The following FKBP8 variants were observed in gnomAD, a reference collection of about 807,000 sequenced individuals.
The protein encoded by FKBP8 is peptidyl-prolyl cis-trans isomerase FKBP8.
Under a neutral mutation model 41.7 loss-of-function variants are expected in FKBP8, and 5 were observed. That is an observed-to-expected ratio of 0.12 (90% CI 0.06 to 0.25). The LOEUF is 0.25. Ranked by LOEUF, FKBP8 falls within the 10% of genes least tolerant of loss-of-function variation. FKBP8 has a pLI of 1.00. For synonymous variants in FKBP8, 279 were observed against 254.5 expected (o/e 1.10, Z -0.92); for missense variants, 397 against 563.0 (o/e 0.71, Z 2.98).
rs996731561 is a variant in FKBP8 at position 18,532,071 on chromosome 19, G to A, written c.*98C>T. 16 of 1,086,282 alleles carry A rather than the reference G, an allele frequency of 1.5e-5. No homozygotes were observed. Among genetic ancestry groups the A allele is most frequent in the Non-Finnish European group, 1.4e-6 (1 of 729,336 alleles). 67.3% of individuals were successfully genotyped at this position (1,086,282 alleles called of 1,614,324 possible). On this transcript the variant is annotated 3_prime_UTR_variant, in exon 9 of 9. Transcript: ENST00000608443. Reference sequence around the variant, plus strand: ...TTGCTCCCCTAACCCGGAGGAGGGGGCCAGACCAGGGAGGGCAGTGGACAG... The same window carrying A: ...TTGCTCCCCTAACCCGGAGGAGGGGACCAGACCAGGGAGGGCAGTGGACAG...
At position 18,532,856 on chromosome 19, in the gene FKBP8, G is replaced by A. The variant is rs529592525; in HGVS notation, c.1024-61C>T. The A allele has an allele frequency of 5.7e-5, 91 of 1,593,404 alleles. No individual in the cohort carries two copies. The African/African-American group carries it at 9.3e-4, about 16-fold the overall frequency. The stretch of plus-strand genomic sequence containing the variant: ...GCCAACCTGTCATCACTGGCGCTCT[G>A]CCTTACTGGGACCCTAGGCTGTTTG... On this transcript the variant is annotated intron_variant, in intron 7 of 8. Coordinates refer to ENST00000608443, the MANE Select transcript of FKBP8 (RefSeq NM_012181.5).
At chr19:18,539,762 C>G (rs2145192235) in intron 2 of FKBP8, 42 bp from the exon 3 acceptor site, 1 of 1,595,616 alleles carries the variant, frequency 6.3e-7, no homozygotes, top group Non-Finnish European at 8.5e-7. Context: ...CCTGGCAGCT[C>G]AAACAGGCAC....
chr19:18,532,051 C>T lies in FKBP8; in HGVS notation c.*118G>A. On this transcript the variant is annotated 3_prime_UTR_variant, in exon 9 of 9. Transcript: ENST00000608443. ...GGCTGCACGACCCCCAATCCTTGCT[C>T]CCCTAACCCGGAGGAGGGGGCCAGA... is the stretch of plus-strand genomic sequence containing the variant. The T allele has an allele frequency of 1.1e-6, 1 of 893,962 alleles. No homozygotes were observed. Among genetic ancestry groups the T allele is most frequent in the Non-Finnish European group, 1.8e-6 (1 of 562,062 alleles). The allele number at this position is 893,962 out of a possible 1,614,324, so 55.4% of individuals were successfully genotyped here.
Position 18,533,305 on chromosome 19 carries a change from G to T in FKBP8, c.988C>A (p.Leu330Met). The change falls in exon 7 of 9, where the codon CTG becomes ATG. Residue 330 changes from leucine to methionine, a missense_variant. Transcript: ENST00000608443. Reference protein sequence around the residue: ...QGEYSEAIPILRAALKLEPSN... With the variant: ...QGEYSEAIPIMRAALKLEPSN... The stretch of plus-strand genomic sequence containing the variant: ...GGTTCCAGCTTCAGGGCTGCCCTCA[G>T]GATGGGGATGGCCTCACTGTACTCC... 6.2e-7 allele frequency: 1 copy of T among 1,605,098 alleles called. No homozygotes were observed. The highest frequency in any genetic ancestry group is 2.2e-5 in the East Asian group (1 of 44,710).
At chr19:18,543,160 C>G (rs1037682300) in intron 1 of FKBP8, 3 of 279,122 alleles carry the variant, frequency 1.1e-5, no homozygotes, top group African/African-American at 7.3e-5. Flanking sequence ...AGCCGCGACC[C>G]AGGCCCCCAA....
chr19:18,542,191 C>A, intron 1 of FKBP8, 196 bp from the exon 2 acceptor site: 1 of 673,110 alleles, frequency 1.5e-6, no homozygotes, highest in East Asian at 2.8e-5. Flanking sequence ...AAGCCCTTGG[C>A]ATCAGGCTCA....
intron 1 of FKBP8, chr19:18,542,987 C>G (rs1255603640): frequency 2.1e-6 from 2 of 942,052 alleles, no homozygotes; most frequent in East Asian, 8.8e-5. Context: ...TCCCCTCCCA[C>G]CCCCCACCCC....
Position 18,532,768 on chromosome 19 carries a change from C to T in FKBP8, c.1051G>A (p.Val351Met). The T allele has an allele frequency of 2.5e-6, 4 of 1,614,106 alleles. No homozygotes were observed. Among genetic ancestry groups the T allele is most frequent in the Non-Finnish European group, 3.4e-6 (4 of 1,180,042 alleles). ...CTCCGCTGCGCCGCATGCTTCTTCACCAGCTTTGAGAGCTCTGCGTGGATC... is the reference window on the plus strand; with the variant it reads ...CTCCGCTGCGCCGCATGCTTCTTCATCAGCTTTGAGAGCTCTGCGTGGATC... ...KTIHAELSKLVKKHAAQRSTE... is the reference protein window; with the variant it reads ...KTIHAELSKLMKKHAAQRSTE... The change falls in exon 8 of 9, where the codon GTG becomes ATG. Residue 351 changes from valine (V) to methionine (M), a missense_variant. Around this residue, in one of 2 missense-constraint regions of FKBP8, gnomAD observed 225 missense variants for 366.8 expected, o/e 0.61. Transcript: ENST00000608443.
chr19:18,533,728 C>A (rs1976502609), intron 6 of FKBP8, among the ~76,000 whole-genome samples: 2 of 150,686 alleles, frequency 1.3e-5, no homozygotes, highest in Non-Finnish European at 1.5e-5. Context: ...AAAAAAGGGT[C>A]GGGCGCAGTG....
intron 1 of FKBP8, 189 bp from the exon 2 acceptor site, chr19:18,542,184 C>T: frequency 1.4e-6 from 1 of 728,958 alleles, no homozygotes. Flanking sequence ...ATGCATCAAG[C>T]CCTTGGCATC....
Position 18,537,650 on chromosome 19 carries a change from A to C in FKBP8, c.896T>G (p.Val299Gly). The change falls in exon 6 of 9, where the codon GTG (valine) becomes GGG (glycine). Residue 299 changes from valine (V) to glycine (G), a missense_variant. By Grantham distance (109) the Val-to-Gly change is moderately radical. Transcript: ENST00000608443. The surrounding 1 kb of genome is among the most constrained non-coding windows in gnomAD (Gnocchi z 4.4). ...YRAALRSCSL[V>G]LEHQPDNIKA... ...GATGTTGTCTGGCTGGTGCTCCAGC[A>C]CAAGGCTGCAGGAGCGCAGGGCTGC... 6.2e-7 allele frequency: 1 copy of C among 1,612,586 alleles called. No individual in the cohort carries two copies. Among genetic ancestry groups the C allele is most frequent in the Non-Finnish European group, 8.5e-7 (1 of 1,179,234 alleles).
intron 6 of FKBP8, among the ~76,000 whole-genome samples, chr19:18,534,510 A>AC (rs1413970218): frequency 1.3e-5 from 2 of 151,082 alleles, no homozygotes; most frequent in Non-Finnish European, 2.9e-5. Flanking sequence ...CTAGGCACCC[A>AC]CCTCGCTGCC....
In FKBP8 at chr19:18,538,349, G is replaced by C. The variant is rs1600535318; in HGVS notation, c.639C>G (p.Leu213=). The C allele has an allele frequency of 6.2e-7, 1 of 1,613,644 alleles. No individual in the cohort carries two copies. ...TAVDGPDLEM[L]TGQERVALAN... is the part of the protein sequence containing the mutation. The stretch of plus-strand genomic sequence containing the variant: ...CCAGGGCCACGCGCTCCTGCCCCGT[G>C]AGCATCTCCAGGTCAGGCCCGTCCA... The change falls in exon 5 of 9, where the codon CTC becomes CTG. Residue 213 remains leucine (L), a synonymous_variant. Coordinates refer to ENST00000608443, the MANE Select transcript of FKBP8 (RefSeq NM_012181.5). The surrounding 1 kb of genome is among the most constrained non-coding windows in gnomAD (Gnocchi z 4.0).
chr19:18,539,870 C>T lies in FKBP8; in HGVS notation c.293-150G>A, dbSNP rs1359274515. 7.0e-6 allele frequency: 6 copies of T among 861,820 alleles called. No homozygotes were observed. In the Admixed American group the frequency reaches 7.3e-5, roughly 11 times the overall value. The allele number at this position is 861,820 out of a possible 1,614,324, so 53.4% of individuals were successfully genotyped here. A position where few individuals can be genotyped will look rare whatever the true frequency, so the allele number is the denominator to read the frequency against. ...GGGGCACAAACCAAACTTCCAATGG[C>T]CACTCTGCCACCAGAGTGGGGAACC... On this transcript the variant is annotated intron_variant, in intron 2 of 8. Coordinates refer to ENST00000608443, the MANE Select transcript of FKBP8 (RefSeq NM_012181.5).
Position 18,538,484 on chromosome 19 carries a change from C to A in FKBP8, c.552-48G>T. 2.0e-6 allele frequency: 3 copies of A among 1,515,660 alleles called. No homozygotes were observed. The highest frequency in any genetic ancestry group is 2.7e-6 in the Non-Finnish European group (3 of 1,114,152). 93.9% of individuals were successfully genotyped at this position (1,515,660 alleles called of 1,614,324 possible). On this transcript the variant is annotated intron_variant, in intron 4 of 8. Coordinates refer to ENST00000608443, the MANE Select transcript of FKBP8 (RefSeq NM_012181.5). The surrounding 1 kb of genome is among the most constrained non-coding windows in gnomAD (Gnocchi z 4.0). Reference sequence around the variant, plus strand: ...GGGCAGCACTCAGACCTGGTGACCCCTAAACCCGCTGGGCTGGCTAGGAAG... The same window carrying A: ...GGGCAGCACTCAGACCTGGTGACCCATAAACCCGCTGGGCTGGCTAGGAAG...
chr19:18,531,870 C>A lies in FKBP8; in HGVS notation c.*299G>T. 2.5e-6 allele frequency: 1 copy of A among 394,412 alleles called. No individual in the cohort carries two copies. 24.4% of individuals were successfully genotyped at this position (394,412 alleles called of 1,614,324 possible). On this transcript the variant is annotated 3_prime_UTR_variant, in exon 9 of 9. Transcript: ENST00000608443. Reference sequence around the variant, plus strand: ...AGGCGGGGACTAGGCAGGGGAAGGGCTGCCCCCAGGCCTGTTGAGGAGAAA... The same window carrying A: ...AGGCGGGGACTAGGCAGGGGAAGGGATGCCCCCAGGCCTGTTGAGGAGAAA...
At chr19:18,541,205 T>G (rs1976692270) in intron 2 of FKBP8, among the ~76,000 whole-genome samples, 1 of 152,188 alleles carries the variant, frequency 6.6e-6, no homozygotes, top group African/African-American at 2.4e-5. Context: ...ATACTATCAC[T>G]ACTGTGAACC....
chr19:18,537,509 T>C lies in FKBP8; in HGVS notation c.945+92A>G, dbSNP rs1253952424. On this transcript the variant is annotated intron_variant, in intron 6 of 8. Coordinates refer to ENST00000608443, the MANE Select transcript of FKBP8 (RefSeq NM_012181.5). This position sits in a 1 kb window ranked among gnomAD's most constrained non-coding sequence, Gnocchi z 4.4. ...TGCACCCCACAGAGCTCAGCTGGCT[T>C]ATATACCTATGCCTTTCTCAAATGC... 6.3e-6 allele frequency: 8 copies of C among 1,260,006 alleles called. No homozygotes were observed. In the East Asian group the frequency reaches 1.6e-4, roughly 25 times the overall value. The allele number at this position is 1,260,006 out of a possible 1,614,324, so 78.1% of individuals were successfully genotyped here.
intron 6 of FKBP8, among the ~76,000 whole-genome samples, chr19:18,534,270 G>A (rs1156519733): frequency 6.6e-6 from 1 of 152,164 alleles, no homozygotes; most frequent in Non-Finnish European, 1.5e-5. Context: ...TCACGCCACT[G>A]CAGTCCAGCC....
Sources: allele counts gnomAD v4.1 joint callset (sites outside exome capture counted in the v4.1 genomes callset), GRCh38; gene constraint gnomAD v4.1.1; regional missense constraint gnomAD v4.1.1; non-coding constraint Gnocchi (gnomAD v3.1); transcripts MANE v1.5; gene names NCBI Gene and HGNC (gene_info 2026-07-23, HGNC 2026-07-21).